LRBA: variants seen among roughly 807,000 people sequenced by gnomAD.
The protein encoded by LRBA is LPS responsive beige-like anchor protein, also known as lipopolysaccharide-responsive and beige-like anchor protein.
LRBA carries 176 observed loss-of-function variants against 330.0 expected under a neutral mutation model. That is an observed-to-expected ratio of 0.53 (90% CI 0.47 to 0.60). LRBA has a LOEUF of 0.60. LRBA is among the 20% of genes least tolerant of loss of function. LRBA has a pLI of 0.00. For synonymous variants in LRBA, 1,230 were observed against 1,193.0 expected (o/e 1.03, Z -0.64); for missense variants, 3,259 against 3,444.8 (o/e 0.95, Z 1.35).
intron 44 of LRBA, among the ~76,000 whole-genome samples, chr4:150,445,286 T>C (rs942931660): frequency 6.6e-6 from 1 of 151,234 alleles, no homozygotes; most frequent in African/African-American, 2.4e-5. Context: ...TGAAATTCAT[T>C]TTCTATTTGC....
chr4:150,966,475 ATTTTT>A (rs36013649), intron 2 of LRBA, among the ~76,000 whole-genome samples: 3 of 114,616 alleles, frequency 2.6e-5, no homozygotes, highest in African/African-American at 1.0e-4. Context: ...CACCCAGCTA[ATTTTT>A]TTTTTTTTTT....
At chr4:150,344,765 G>A (rs1195474162) in intron 48 of LRBA, among the ~76,000 whole-genome samples, 1 of 152,062 alleles carries the variant, frequency 6.6e-6, no homozygotes, top group Non-Finnish European at 1.5e-5. Context: ...TGCCCAGGCT[G>A]GTCTTGAACT....
At chr4:150,476,360 C>T (rs1294422109) in intron 42 of LRBA, among the ~76,000 whole-genome samples, 6 of 152,036 alleles carry the variant, frequency 3.9e-5, no homozygotes, top group Non-Finnish European at 8.8e-5. Context: ...TTGCTGGCCA[C>T]AGAAGTAACC....
In LRBA at chr4:150,583,982, A is replaced by G; in HGVS notation, c.6330+4066T>C. The G allele has an allele frequency of 6.2e-7, 1 of 1,614,064 alleles. No individual in the cohort carries two copies. Among genetic ancestry groups the G allele is most frequent in the Non-Finnish European group, 8.5e-7 (1 of 1,180,004 alleles). ...TGCCTGCAGTGCCGCCGCTGCCCTC[A>G]CTACTTTCTGCCCAACCTCGACCTC... On this transcript the variant is annotated intron_variant, in intron 40 of 56. Transcript: ENST00000651943. The surrounding 1 kb of genome is among the most constrained non-coding windows in gnomAD (Gnocchi z 9.8).
In LRBA at chr4:150,265,817, G is replaced by A. The variant is rs1412294719; in HGVS notation, c.8469-5C>T. On this transcript the variant is annotated splice_region_variant and splice_polypyrimidine_tract_variant and intron_variant, in intron 56 of 56. Coordinates refer to ENST00000651943, the MANE Select transcript of LRBA (RefSeq NM_001364905.1). ...GCCATGCCAGAAATGATGCACCTAG[G>A]AGAAGCACAGAGAGAAGGACTTTTA... 1.3e-6 allele frequency: 2 copies of A among 1,574,086 alleles called. No homozygotes were observed. Among genetic ancestry groups the A allele is most frequent in the Admixed American group, 1.7e-5 (1 of 59,956 alleles).
At chr4:150,390,444 A>C (rs1409815851) in intron 47 of LRBA, among the ~76,000 whole-genome samples, 1 of 152,188 alleles carries the variant, frequency 6.6e-6, no homozygotes, top group Non-Finnish European at 1.5e-5. Flanking sequence ...AACTGCCAGA[A>C]GTCTACAGCA....
chr4:150,655,297 G>A (rs1780077387), intron 37 of LRBA, among the ~76,000 whole-genome samples: 1 of 151,928 alleles, frequency 6.6e-6, no homozygotes, highest in Admixed American at 6.6e-5. Flanking sequence ...CATTTATCCT[G>A]GTGATCACTT....
chr4:150,393,313 T>C (rs1453419220), intron 47 of LRBA, among the ~76,000 whole-genome samples: 1 of 152,058 alleles, frequency 6.6e-6, no homozygotes, highest in Non-Finnish European at 1.5e-5. Flanking sequence ...TCAGAAGCAA[T>C]GAAAGATATG....
At chr4:150,867,394 C>T (rs890112436) in intron 22 of LRBA, among the ~76,000 whole-genome samples, 1 of 152,132 alleles carries the variant, frequency 6.6e-6, no homozygotes, top group African/African-American at 2.4e-5. Context: ...ACTTTTTCAG[C>T]ACCCTAGTAT....
At chr4:150,541,803 C>T (rs964124730) in intron 40 of LRBA, among the ~76,000 whole-genome samples, 1 of 152,110 alleles carries the variant, frequency 6.6e-6, no homozygotes, top group African/African-American at 2.4e-5. Flanking sequence ...AGTGATCATC[C>T]TGCCTCAGGC....
rs1733230773 is a variant in LRBA, at chr4:150,921,303, T to C, written c.550-10A>G. On this transcript the variant is annotated splice_polypyrimidine_tract_variant and intron_variant, in intron 4 of 56. Coordinates refer to ENST00000651943, the MANE Select transcript of LRBA (RefSeq NM_001364905.1). ...TCCCAGCATGTGGAGGCTATGAAGA[T>C]AATTAACAATTCATTAACCACATTA... The C allele has an allele frequency of 1.3e-6, 2 of 1,523,308 alleles. No homozygotes were observed. The highest frequency in any genetic ancestry group is 2.3e-5 in the East Asian group (1 of 44,436). 94.4% of individuals were successfully genotyped at this position (1,523,308 alleles called of 1,614,324 possible). A position where few individuals can be genotyped will look rare whatever the true frequency, so the allele number is the denominator to read the frequency against.
chr4:150,399,781 G>A (rs552217174), intron 47 of LRBA, among the ~76,000 whole-genome samples: 213 of 152,232 alleles, frequency 1.4e-3, no homozygotes, highest in African/African-American at 4.9e-3. Flanking sequence ...AGATGTGCCT[G>A]GCCAATATGG....
intron 47 of LRBA, among the ~76,000 whole-genome samples, chr4:150,389,148 T>C (rs926703207): frequency 8.5e-5 from 13 of 152,168 alleles, no homozygotes; most frequent in Admixed American, 5.2e-4. Flanking sequence ...GATTATCTTA[T>C]TAACTTTTAT....
At chr4:150,872,599 T>A in intron 18 of LRBA, 64 bp downstream of exon 18, 2 of 1,106,820 alleles carry the variant, frequency 1.8e-6, no homozygotes, top group Non-Finnish European at 2.7e-6. Flanking sequence ...AAATTACTAC[T>A]GCAAAGATTT....
At chr4:150,742,976 TA>T (rs1732218841) in intron 35 of LRBA, among the ~76,000 whole-genome samples, 1 of 152,196 alleles carries the variant, frequency 6.6e-6, no homozygotes, top group Non-Finnish European at 1.5e-5. Context: ...AAATTGTTTT[TA>T]TTTTTTTGGA....
intron 37 of LRBA, among the ~76,000 whole-genome samples, chr4:150,639,817 GTGTATATATATATA>G (rs1427976141): frequency 0.061 from 326 of 5,366 alleles, 34 homozygotes; most frequent in Non-Finnish European, 0.11. Context: ...GTGTGTGTGT[GTGTATATATATATA>G]TATATATATA....
chr4:150,496,907 T>TA (rs1759655949), intron 40 of LRBA, among the ~76,000 whole-genome samples: 1 of 152,032 alleles, frequency 6.6e-6, no homozygotes, highest in Admixed American at 6.6e-5. Context: ...CATTAAGCAA[T>TA]AACACAATGG....
chr4:150,507,734 T>C (rs1235809175), intron 40 of LRBA, among the ~76,000 whole-genome samples: 1 of 152,174 alleles, frequency 6.6e-6, no homozygotes, highest in Non-Finnish European at 1.5e-5. Flanking sequence ...AAATGGGATC[T>C]AATTAAACTG....
chr4:150,958,418 G>A (rs78437781), intron 2 of LRBA, among the ~76,000 whole-genome samples: 1,880 of 149,044 alleles, frequency 0.013, 286 homozygotes, highest in African/African-American at 0.044. Context: ...TGCAAGTCCC[G>A]GAGGCCAGCC....
Sources: gnomAD v4.1 joint callset for allele counts (sites outside exome capture counted in the v4.1 genomes callset) on GRCh38, gnomAD v4.1.1 for gene constraint, Gnocchi (gnomAD v3.1) non-coding constraint, MANE v1.5 for transcripts, NCBI Gene and HGNC (gene_info 2026-07-23, HGNC 2026-07-21) for gene names.